MAP3K10: variants seen among roughly 807,000 people sequenced by gnomAD.
MAP3K10 encodes the protein mitogen-activated protein kinase kinase kinase 10.
In MAP3K10, 22 loss-of-function variants were observed where a neutral mutation model predicts 75.0. The observed-to-expected ratio is 0.29, with a 90% confidence interval of 0.21 to 0.42. The LOEUF (loss-of-function observed/expected upper bound fraction) is 0.42, where lower values mean the gene tolerates loss of function less well. Ranked by LOEUF, MAP3K10 falls within the 10% of genes least tolerant of loss-of-function variation. The pLI is 1.00. For synonymous variants in MAP3K10, 599 were observed against 612.9 expected, an observed-to-expected ratio of 0.98 and a Z score of 0.34; for missense variants, 1,165 against 1,379.8, an observed-to-expected ratio of 0.84 and a Z score of 2.47.
At position 40,214,219 on chromosome 19, in the gene MAP3K10, C is replaced by G; in HGVS notation, c.2540C>G (p.Pro847Arg). Residue 847 changes from proline to arginine, a missense_variant and splice_region_variant, in exon 9 of 10, where the codon CCT (proline) becomes CGT (arginine). Around this residue, in one of 2 missense-constraint regions of MAP3K10, gnomAD observed 590 missense variants for 586.6 expected, o/e 1.01. Coordinates refer to ENST00000253055, the MANE Select transcript of MAP3K10 (RefSeq NM_002446.4). ...CCGCCCGAGCCCGCGGGCCATGGCC[C>G]TGGTGAGTGAGGCGCCCTGCACCCA... ...RGPPEPAGHGPGPRDLLDFPR... is the reference protein window; with the variant it reads ...RGPPEPAGHGRGPRDLLDFPR... 1 of 1,402,968 alleles carries G rather than the reference C, an allele frequency of 7.1e-7. No homozygotes were observed. Among genetic ancestry groups the G allele is most frequent in the Non-Finnish European group, 9.2e-7 (1 of 1,089,150 alleles). The allele number at this position is 1,402,968 out of a possible 1,614,324, so 86.9% of individuals were successfully genotyped here.
intron 6 of MAP3K10, among the ~76,000 whole-genome samples, chr19:40,209,778 A>G (rs1973199864): frequency 6.6e-6 from 1 of 152,068 alleles, no homozygotes; most frequent in African/African-American, 2.4e-5. Flanking sequence ...AAAAGAGGAG[A>G]TGTATTAATC....
chr19:40,203,182 A>G (rs1475814460), intron 2 of MAP3K10, among the ~76,000 whole-genome samples: 1 of 152,142 alleles, frequency 6.6e-6, no homozygotes, highest in Non-Finnish European at 1.5e-5. Flanking sequence ...TCTACTAAAA[A>G]TACACAAATT....
In MAP3K10 at chr19:40,208,946, G is replaced by T. The variant is rs186605034; in HGVS notation, c.1436-157G>T. 5.9e-5 allele frequency among the ~76,000 whole-genome samples: 9 copies of T among 152,286 alleles called. No individual in the cohort carries two copies. The East Asian group carries it at 1.7e-3, about 29-fold the overall frequency. On this transcript the variant is annotated intron_variant, in intron 5 of 9. Coordinates refer to ENST00000253055, the MANE Select transcript of MAP3K10 (RefSeq NM_002446.4). ...GAAATTTTCAGCTGATGGTGATGCT[G>T]CTGTTCTGGGGCCCACACTCTGAGA...
intron 6 of MAP3K10, among the ~76,000 whole-genome samples, chr19:40,209,993 C>T (rs1433779334): frequency 2.0e-5 from 3 of 152,010 alleles, no homozygotes; most frequent in Non-Finnish European, 2.9e-5. Context: ...AAAGGCCAGG[C>T]GCGGTGGCTC....
At chr19:40,214,933 C>T (rs749731147) in intron 9 of MAP3K10, 37 bp from the exon 10 acceptor site, 3 of 976,702 alleles carry the variant, frequency 3.1e-6, no homozygotes, top group Non-Finnish European at 4.8e-6. Context: ...CACCCTCTGC[C>T]CCACCCCACT....
Position 40,213,315 on chromosome 19 carries a change from G to A in MAP3K10, c.1837+127G>A. On this transcript the variant is annotated intron_variant, in intron 8 of 9. Coordinates refer to ENST00000253055, the MANE Select transcript of MAP3K10 (RefSeq NM_002446.4). This position sits in a 1 kb window ranked among gnomAD's most constrained non-coding sequence, Gnocchi z 5.7. ...GGAAGGCCTTCCTGGGAAGGGAGAT[G>A]GTGGCCCCTGGGGCGTGGGGGGTCA... The A allele has an allele frequency of 6.9e-7, 1 of 1,450,058 alleles. No individual in the cohort carries two copies. Among genetic ancestry groups the A allele is most frequent in the East Asian group, 2.5e-5 (1 of 39,950 alleles). 89.8% of individuals were successfully genotyped at this position (1,450,058 alleles called of 1,614,324 possible). A position where few individuals can be genotyped will look rare whatever the true frequency, so the allele number is the denominator to read the frequency against.
At position 40,192,438 on chromosome 19, in the gene MAP3K10, C is replaced by T; in HGVS notation, c.407C>T (p.Ala136Val). Residue 136 changes from alanine (A) to valine (V), a missense_variant, in exon 1 of 10, where the codon GCA becomes GTA. Physicochemically the swap from Ala to Val is moderately conservative, Grantham distance 64. Transcript: ENST00000253055. This position sits in a 1 kb window ranked among gnomAD's most constrained non-coding sequence, Gnocchi z 7.1. ...CGGCTGGACCCTGAGAAGGACCCGG[C>T]AGTGACAGCGGAGCAGGTGTGCCAG... is the stretch of plus-strand genomic sequence containing the variant. Reference protein sequence around the residue: ...AARLDPEKDPAVTAEQVCQEA... With the variant: ...AARLDPEKDPVVTAEQVCQEA... The T allele has an allele frequency of 3.7e-6, 6 of 1,614,044 alleles. No homozygotes were observed. Among genetic ancestry groups the T allele is most frequent in the Non-Finnish European group, 5.1e-6 (6 of 1,180,002 alleles).
chr19:40,212,680 C>T lies in MAP3K10; in HGVS notation c.1553-125C>T. 8 of 1,207,862 alleles carry T rather than the reference C, an allele frequency of 6.6e-6. No homozygotes were observed. In the South Asian group the frequency reaches 8.9e-5, roughly 13 times the overall value. 74.8% of individuals were successfully genotyped at this position (1,207,862 alleles called of 1,614,324 possible). On this transcript the variant is annotated intron_variant, in intron 6 of 9. Coordinates refer to ENST00000253055, the MANE Select transcript of MAP3K10 (RefSeq NM_002446.4). The surrounding 1 kb of genome is among the most constrained non-coding windows in gnomAD (Gnocchi z 4.2). ...AGATATATAGCAGGGAGGGTCATGA[C>T]TGGAGTTCAAAAGAGCCCTTGGACT...
chr19:40,196,646 A>G (rs7258548), intron 1 of MAP3K10, among the ~76,000 whole-genome samples: 114,661 of 151,868 alleles, frequency 0.76, 43,469 homozygotes, highest in African/African-American at 0.81. Flanking sequence ...AGCCTCTCAA[A>G]TAGCTGGGAC....
chr19:40,194,062 A>G (rs199921412), intron 1 of MAP3K10, among the ~76,000 whole-genome samples: 1 of 152,192 alleles, frequency 6.6e-6, no homozygotes, highest in Non-Finnish European at 1.5e-5. Context: ...TGACATTTGT[A>G]TATCAACAGA....
chr19:40,191,785 A>C lies in MAP3K10; in HGVS notation c.-247A>C. ...CTTAGCCCTCTGCCGTTTGGGGGGC[A>C]CGGGTGAACCTGCCGCCCCACTCCC... On this transcript the variant is annotated 5_prime_UTR_variant, in exon 1 of 10. Transcript: ENST00000253055. 1.9e-5 allele frequency: 7 copies of C among 364,362 alleles called. No homozygotes were observed. Among genetic ancestry groups the C allele is most frequent in the Admixed American group, 9.0e-5 (2 of 22,204 alleles). The allele number at this position is 364,362 out of a possible 1,614,324, so 22.6% of individuals were successfully genotyped here. A position where few individuals can be genotyped will look rare whatever the true frequency, so the allele number is the denominator to read the frequency against.
chr19:40,196,829 CTT>C (rs757695610), intron 1 of MAP3K10, among the ~76,000 whole-genome samples: 79 of 152,052 alleles, frequency 5.2e-4, no homozygotes, highest in Admixed American at 1.3e-3. Flanking sequence ...AACCCTGTCT[CTT>C]TAAAAAAATA....
At chr19:40,199,485 G>A (rs1169812127) in intron 2 of MAP3K10, among the ~76,000 whole-genome samples, 1 of 152,166 alleles carries the variant, frequency 6.6e-6, no homozygotes, top group Non-Finnish European at 1.5e-5. Context: ...TGGCAAAAAG[G>A]AACCAGTCAC....
chr19:40,192,416 C>G lies in MAP3K10; in HGVS notation c.385C>G (p.Leu129Val), dbSNP rs781558903. 4 of 1,614,016 alleles carry G rather than the reference C, an allele frequency of 2.5e-6. No homozygotes were observed. In the Admixed American group the frequency reaches 5.0e-5, roughly 20 times the overall value. ...GEEVAVKAAR[L>V]DPEKDPAVTA... ...GGAGGTGGCAGTCAAGGCCGCCCGG[C>G]TGGACCCTGAGAAGGACCCGGCAGT... is the stretch of plus-strand genomic sequence containing the variant. The change falls in exon 1 of 10, where the codon CTG becomes GTG. Residue 129 changes from leucine to valine, a missense_variant. By Grantham distance (32) the Leu-to-Val change is conservative. This residue lies in a region of MAP3K10 where 575 missense variants were observed against 793.2 expected (regional missense o/e 0.72). Transcript: ENST00000253055. This position sits in a 1 kb window ranked among gnomAD's most constrained non-coding sequence, Gnocchi z 7.1.
chr19:40,197,305 C>G (rs1170077830), intron 1 of MAP3K10, among the ~76,000 whole-genome samples: 1 of 152,074 alleles, frequency 6.6e-6, no homozygotes, highest in Non-Finnish European at 1.5e-5. Flanking sequence ...AGTCAGGGTG[C>G]ACTCTGCCTT....
chr19:40,200,087 G>A (rs1259230918), intron 2 of MAP3K10, among the ~76,000 whole-genome samples: 2 of 152,092 alleles, frequency 1.3e-5, no homozygotes, highest in Non-Finnish European at 2.9e-5. Context: ...TTGAGGCCAG[G>A]AGTTCATTCA....
At chr19:40,210,647 G>A (rs1423585439) in intron 6 of MAP3K10, among the ~76,000 whole-genome samples, 1 of 151,966 alleles carries the variant, frequency 6.6e-6, no homozygotes, top group East Asian at 1.9e-4. Context: ...GTTGCAGTGA[G>A]CCGAGATCGT....
chr19:40,214,928 T>G (rs1390537174), intron 9 of MAP3K10, 42 bp from the exon 10 acceptor site: 18 of 903,268 alleles, frequency 2.0e-5, no homozygotes, highest in Non-Finnish European at 3.2e-5. Context: ...AATGCCACCC[T>G]CTGCCCCACC....
chr19:40,215,172 G>A lies in MAP3K10; in HGVS notation c.2745G>A (p.Arg915=), dbSNP rs764141739. The change falls in exon 10 of 10, where the codon AGG becomes AGA. Residue 915 remains arginine, a synonymous_variant. Coordinates refer to ENST00000253055, the MANE Select transcript of MAP3K10 (RefSeq NM_002446.4). The part of the protein sequence containing the change: ...GRTLTISPPS[R]PDTPESPGPP... ...CACTCACCATCTCGCCTCCCAGCAG[G>A]CCAGACACTCCGGAGAGCCCTGGGC... 6.2e-7 allele frequency: 1 copy of A among 1,603,588 alleles called. No individual in the cohort carries two copies. The highest frequency in any genetic ancestry group is 1.1e-5 in the South Asian group (1 of 89,636).
Sources: allele counts gnomAD v4.1 joint callset (sites outside exome capture counted in the v4.1 genomes callset), GRCh38; gene constraint gnomAD v4.1.1; regional missense constraint gnomAD v4.1.1; non-coding constraint Gnocchi (gnomAD v3.1); transcripts MANE v1.5; gene names NCBI Gene and HGNC (gene_info 2026-07-23, HGNC 2026-07-21).